The following TBC1D2B variants were observed in gnomAD, a reference collection of about 807,000 sequenced individuals.
The protein encoded by TBC1D2B is TBC1 domain family member 2B.
A neutral mutation model predicts 100.8 loss-of-function variants in TBC1D2B; 64 were observed. The observed-to-expected ratio is 0.64, with a 90% CI of 0.52 to 0.78. The LOEUF (loss-of-function observed/expected upper bound fraction) is 0.78. Ranked by LOEUF, TBC1D2B falls within the 30% of genes least tolerant of loss-of-function variation. The probability of loss-of-function intolerance (pLI) is 0.00; values close to 1 mark genes in which losing one functional copy is unlikely to be tolerated. For synonymous variants in TBC1D2B, 480 were observed against 479.7 expected, an observed-to-expected ratio of 1.00 and a Z score of -0.01; for missense variants, 1,052 against 1,218.4, an observed-to-expected ratio of 0.86 and a Z score of 2.03.
chr15:78,054,220 C>A, intron 1 of TBC1D2B, 33 bp from the exon 2 acceptor site: 1 of 1,598,580 alleles, frequency 6.3e-7, no homozygotes. Flanking sequence ...CATGTTATGG[C>A]CACCAGTAAT....
chr15:78,054,036 G>C lies in TBC1D2B; in HGVS notation c.512C>G (p.Thr171Ser). Residue 171 changes from threonine to serine, a missense_variant and splice_region_variant, in exon 2 of 13, where the codon ACT becomes AGT. Around this residue, in one of 4 missense-constraint regions of TBC1D2B, gnomAD observed 627 missense variants for 646.1 expected, o/e 0.97. Transcript: ENST00000300584. ...GCTCCCCTTTATTTCTGCCTTACCA[G>C]TGTTATCTCTGGCTACAAGACCCTT... ...FPKGLVARDN[T>S]DLIYPHPNAS... 1 of 1,612,362 alleles carries C rather than the reference G, an allele frequency of 6.2e-7. No homozygotes were observed. The highest frequency in any genetic ancestry group is 8.5e-7 in the Non-Finnish European group (1 of 1,179,296).
intron 1 of TBC1D2B, among the ~76,000 whole-genome samples, chr15:78,057,303 A>G (rs1179287619): frequency 1.3e-5 from 2 of 152,106 alleles, no homozygotes; most frequent in Non-Finnish European, 2.9e-5. Flanking sequence ...TTAACAAGTC[A>G]GTTAATCAAG....
In TBC1D2B at chr15:78,014,113, A is replaced by AT. The variant is rs534572849; in HGVS notation, c.1776-797dup. On this transcript the variant is annotated intron_variant, in intron 8 of 12. Coordinates refer to ENST00000300584, the MANE Select transcript of TBC1D2B (RefSeq NM_144572.2). The stretch of plus-strand genomic sequence containing the variant: ...AGGAAATAGCGACCTAGTCCTACGA[A>AT]TGACTGCAAGGAACTATATTCCACC... Among the ~76,000 whole-genome samples the AT allele has an allele frequency of 3.8e-3, 578 of 152,370 alleles. 6 individuals carry two copies. The highest frequency in any genetic ancestry group is 0.014 in the African/African-American group (565 of 41,578).
chr15:78,003,254 G>T, intron 11 of TBC1D2B, 51 bp downstream of exon 11: 1 of 1,556,698 alleles, frequency 6.4e-7, no homozygotes, highest in Non-Finnish European at 8.8e-7. Flanking sequence ...CAACGCTGCT[G>T]ACGGTTGTCA....
At chr15:78,031,547 C>CT (rs2072809762) in intron 3 of TBC1D2B, among the ~76,000 whole-genome samples, 1 of 18,216 alleles carries the variant, frequency 5.5e-5, no homozygotes, top group Non-Finnish European at 2.0e-4. Context: ...GAGCAAGACT[C>CT]TGTCTCCAAA....
intron 6 of TBC1D2B, among the ~76,000 whole-genome samples, chr15:78,023,205 T>C (rs1473171916): frequency 6.6e-6 from 1 of 152,134 alleles, no homozygotes; most frequent in Non-Finnish European, 1.5e-5. Flanking sequence ...CCAAACACCC[T>C]CGGAGACACA....
At chr15:78,015,744 C>A (rs2072356401) in intron 8 of TBC1D2B, among the ~76,000 whole-genome samples, 1 of 152,226 alleles carries the variant, frequency 6.6e-6, no homozygotes, top group African/African-American at 2.4e-5. Flanking sequence ...AAGTACAACT[C>A]TGCACATAAA....
At chr15:78,008,914 A>T in intron 10 of TBC1D2B, 83 bp downstream of exon 10, 1 of 965,258 alleles carries the variant, frequency 1.0e-6, no homozygotes, top group Non-Finnish European at 1.6e-6. Flanking sequence ...GCAACCCCTC[A>T]CCCTGACCGC....
rs540483111 is a variant in TBC1D2B, at chr15:77,997,193, G to C, written c.*967C>G. 1 of 152,452 alleles carries C rather than the reference G, an allele frequency of 6.6e-6. No homozygotes were observed. The highest frequency in any genetic ancestry group is 2.1e-4 in the South Asian group (1 of 4,834). The allele number at this position is 152,452 out of a possible 1,614,324, so 9.4% of individuals were successfully genotyped here. A position where few individuals can be genotyped will look rare whatever the true frequency, so the allele number is the denominator to read the frequency against. On this transcript the variant is annotated 3_prime_UTR_variant, in exon 13 of 13. Coordinates refer to ENST00000300584, the MANE Select transcript of TBC1D2B (RefSeq NM_144572.2). ...ATCCCCAAGGAGGCCATGGTTTTCA[G>C]CTGTCCAAGAGCGTTCACGCTGCGG...
At chr15:78,053,819 C>G (rs1596326033) in intron 2 of TBC1D2B, 1 of 505,844 alleles carries the variant, frequency 2.0e-6, no homozygotes, top group Non-Finnish European at 3.5e-6. Flanking sequence ...CTTCCATATG[C>G]TTGGCACTGG....
chr15:78,049,563 CTT>C (rs1449021228), intron 2 of TBC1D2B, among the ~76,000 whole-genome samples: 1 of 152,036 alleles, frequency 6.6e-6, no homozygotes, highest in African/African-American at 2.4e-5. Flanking sequence ...GGGTTTCCCT[CTT>C]TTCCTTTCCC....
chr15:78,041,968 G>T (rs191999291), intron 3 of TBC1D2B, among the ~76,000 whole-genome samples: 2 of 152,182 alleles, frequency 1.3e-5, no homozygotes, highest in East Asian at 3.8e-4. Flanking sequence ...GAGAAACGGA[G>T]GCACAGAATA....
chr15:77,997,774 A>T lies in TBC1D2B; in HGVS notation c.*386T>A, dbSNP rs1436254631. ...GCACTGCCATTCAAAACCACACACC[A>T]CTGCCCACTATGTACAGGAGAGAGA... On this transcript the variant is annotated 3_prime_UTR_variant, in exon 13 of 13. Transcript: ENST00000300584. The T allele has an allele frequency of 6.2e-6, 1 of 162,226 alleles. No individual in the cohort carries two copies. The allele number at this position is 162,226 out of a possible 1,614,324, so 10.0% of individuals were successfully genotyped here.
chr15:78,049,601 G>T (rs2073268719), intron 2 of TBC1D2B, among the ~76,000 whole-genome samples: 1 of 151,660 alleles, frequency 6.6e-6, no homozygotes, highest in Non-Finnish European at 1.5e-5. Flanking sequence ...CCTGCAATCT[G>T]GCTCAGCCAC....
chr15:78,044,685 A>T (rs2073159367), intron 3 of TBC1D2B, among the ~76,000 whole-genome samples: 1 of 152,216 alleles, frequency 6.6e-6, no homozygotes, highest in Admixed American at 6.5e-5. Context: ...AATTAAATTA[A>T]ACCGTTTAAG....
chr15:78,019,708 C>A (rs561163234), intron 6 of TBC1D2B, among the ~76,000 whole-genome samples: 2 of 146,738 alleles, frequency 1.4e-5, no homozygotes, highest in East Asian at 2.0e-4. Context: ...GCTAACATGG[C>A]GAAACCCTGT....
intron 3 of TBC1D2B, among the ~76,000 whole-genome samples, chr15:78,043,371 C>T (rs546558633): frequency 4.7e-4 from 72 of 152,264 alleles, no homozygotes; most frequent in African/African-American, 1.5e-3. Flanking sequence ...TCTCCCACAA[C>T]GCACTGCCAC....
At chr15:78,033,515 A>G (rs186619689) in intron 3 of TBC1D2B, among the ~76,000 whole-genome samples, 1 of 152,358 alleles carries the variant, frequency 6.6e-6, no homozygotes, top group Admixed American at 6.5e-5. Context: ...GGAAGGGATC[A>G]ACCGCAAAGG....
At chr15:78,032,219 T>C (rs1410931252) in intron 3 of TBC1D2B, among the ~76,000 whole-genome samples, 1 of 152,078 alleles carries the variant, frequency 6.6e-6, no homozygotes, top group Non-Finnish European at 1.5e-5. Context: ...GTGCCTAGTC[T>C]CACCAGTCAG....
Sources: gnomAD v4.1 joint callset for allele counts (sites outside exome capture counted in the v4.1 genomes callset) on GRCh38, gnomAD v4.1.1 for gene constraint, gnomAD v4.1.1 regional missense constraint, MANE v1.5 for transcripts, NCBI Gene and HGNC (gene_info 2026-07-23, HGNC 2026-07-21) for gene names.